FMN1: variants seen among roughly 807,000 people sequenced by gnomAD.
The protein encoded by FMN1 is formin 1.
Under a neutral mutation model 132.4 loss-of-function variants are expected in FMN1, and 110 were observed. The observed-to-expected ratio is 0.83, with a 90% CI of 0.71 to 0.97. FMN1 has a LOEUF of 0.97. FMN1 is among the 50% of genes least tolerant of loss of function. FMN1 has a pLI of 0.00. For missense variants in FMN1, 1,792 were observed against 1,705.3 expected, an observed-to-expected ratio of 1.05 and a Z score of -0.90; for synonymous variants, 722 against 651.7, an observed-to-expected ratio of 1.11 and a Z score of -1.64.
chr15:32,972,802 C>T (rs552797451), intron 7 of FMN1, among the ~76,000 whole-genome samples: 7 of 152,232 alleles, frequency 4.6e-5, no homozygotes, highest in Middle Eastern at 6.8e-3. Flanking sequence ...TCCAAGTATC[C>T]TCTGGATTAA....
rs539256769 is a variant in FMN1 at position 33,110,272 on chromosome 15, C to T, written c.1868-21298G>A. ...AAATAATACATAGATGGTCTATTCT[C>T]TTTGCAGAATTGTTCACAATAACTG... is the stretch of plus-strand genomic sequence containing the variant. On this transcript the variant is annotated intron_variant, in intron 4 of 20. Coordinates refer to ENST00000616417, the MANE Select transcript of FMN1 (RefSeq NM_001277313.2). 3.3e-5 allele frequency among the ~76,000 whole-genome samples: 5 copies of T among 152,072 alleles called. No homozygotes were observed. In the East Asian group the frequency reaches 9.6e-4, roughly 29 times the overall value.
chr15:32,825,506 TCTACTCTCC>T (rs2058342677), intron 17 of FMN1, among the ~76,000 whole-genome samples: 1 of 152,214 alleles, frequency 6.6e-6, no homozygotes, highest in Non-Finnish European at 1.5e-5. Flanking sequence ...TCATCACTGT[TCTACTCTCC>T]CTACTCTTTT....
chr15:33,014,476 T>A (rs2034922393), intron 6 of FMN1, among the ~76,000 whole-genome samples: 1 of 152,216 alleles, frequency 6.6e-6, no homozygotes, highest in Non-Finnish European at 1.5e-5. Context: ...AAGGGCAGAC[T>A]CATTTGAAGT....
At chr15:33,066,129 G>C (rs2037713533) in intron 5 of FMN1, among the ~76,000 whole-genome samples, 1 of 152,170 alleles carries the variant, frequency 6.6e-6, no homozygotes, top group South Asian at 2.1e-4. Flanking sequence ...AGGAACGATA[G>C]ACTTTCTGCG....
intron 15 of FMN1, among the ~76,000 whole-genome samples, chr15:32,891,387 A>G (rs887695916): frequency 1.6e-4 from 25 of 152,296 alleles, no homozygotes; most frequent in African/African-American, 4.6e-4. Context: ...AGCTGGGACC[A>G]CAGGCACCCG....
chr15:32,986,206 C>G (rs1432990056), intron 7 of FMN1, among the ~76,000 whole-genome samples: 1 of 152,086 alleles, frequency 6.6e-6, no homozygotes, highest in Non-Finnish European at 1.5e-5. Flanking sequence ...TCTGGAGCTG[C>G]ACTTGTTTCA....
At chr15:32,953,635 G>A (rs1039276916) in intron 9 of FMN1, among the ~76,000 whole-genome samples, 1 of 152,178 alleles carries the variant, frequency 6.6e-6, no homozygotes, top group African/African-American at 2.4e-5. Flanking sequence ...TAGGAAGTAA[G>A]TGGACAGTTT....
chr15:32,788,731 G>A (rs960689284), intron 19 of FMN1, among the ~76,000 whole-genome samples: 1 of 152,230 alleles, frequency 6.6e-6, no homozygotes, highest in Non-Finnish European at 1.5e-5. Flanking sequence ...TAGGGAAATG[G>A]AGTGCGGACA....
chr15:32,882,313 G>C (rs546349816), intron 16 of FMN1, among the ~76,000 whole-genome samples: 2 of 152,320 alleles, frequency 1.3e-5, no homozygotes, highest in South Asian at 4.1e-4. Flanking sequence ...GCCAGTAGTA[G>C]CAAAGTAACT....
chr15:32,862,266 G>A (rs1451533223), intron 16 of FMN1, among the ~76,000 whole-genome samples: 1 of 152,054 alleles, frequency 6.6e-6, no homozygotes, highest in Non-Finnish European at 1.5e-5. Flanking sequence ...GACCACCAAG[G>A]TTGCCTCAGG....
Position 32,857,012 on chromosome 15 carries a change from T to C in FMN1, c.3928+3A>G, listed in dbSNP as rs1490349334. ...TGTATGTGCGGCTGACAAAGCTTCC[T>C]ACCTTTTTGGAAGAACTCCTCTAGT... On this transcript the variant is annotated splice_donor_region_variant and intron_variant, in intron 17 of 20. Coordinates refer to ENST00000616417, the MANE Select transcript of FMN1 (RefSeq NM_001277313.2). 6.2e-7 allele frequency: 1 copy of C among 1,607,288 alleles called. No individual in the cohort carries two copies. The highest frequency in any genetic ancestry group is 8.5e-7 in the Non-Finnish European group (1 of 1,173,814).
chr15:33,031,999 G>T (rs1340590721), intron 6 of FMN1, among the ~76,000 whole-genome samples: 2 of 152,124 alleles, frequency 1.3e-5, no homozygotes, highest in African/African-American at 4.8e-5. Flanking sequence ...ATCATGAAGT[G>T]TTACAATCAT....
Position 32,794,874 on chromosome 15 carries a change from A to G in FMN1, c.4130+3930T>C, listed in dbSNP as rs369601714. 2.6e-4 allele frequency among the ~76,000 whole-genome samples: 40 copies of G among 152,320 alleles called. No homozygotes were observed. In the East Asian group the frequency reaches 5.8e-3, roughly 22 times the overall value. The stretch of plus-strand genomic sequence containing the variant: ...GCAGAGAAAAAAACGTTTTGTGTAC[A>G]TGCTCCATAAAAAAACGTGATCTTC... On this transcript the variant is annotated intron_variant, in intron 19 of 20. Coordinates refer to ENST00000616417, the MANE Select transcript of FMN1 (RefSeq NM_001277313.2).
intron 2 of FMN1, among the ~76,000 whole-genome samples, chr15:33,187,632 G>A (rs1965931695): frequency 1.3e-5 from 2 of 152,148 alleles, no homozygotes; most frequent in Admixed American, 6.6e-5. Context: ...GAGAGAGCTG[G>A]GAGAGCAGAA....
chr15:32,905,028 T>C (rs2060388140), intron 12 of FMN1, among the ~76,000 whole-genome samples: 1 of 152,192 alleles, frequency 6.6e-6, no homozygotes, highest in Non-Finnish European at 1.5e-5. Context: ...CATTCTAGGT[T>C]CAGTAAGAAA....
Position 33,020,714 on chromosome 15 carries a change from C to A in FMN1, c.2162-12639G>T, listed in dbSNP as rs181540263. 1.0e-3 allele frequency among the ~76,000 whole-genome samples: 153 copies of A among 151,662 alleles called. 2 individuals carry two copies. In the South Asian group the frequency reaches 0.015, roughly 15 times the overall value. Reference sequence around the variant, plus strand: ...GTGCTCAGTGTCTCCGTGTGCCAGGCACTGAACTAAGCATTGTGTATATAA... The same window carrying A: ...GTGCTCAGTGTCTCCGTGTGCCAGGAACTGAACTAAGCATTGTGTATATAA... On this transcript the variant is annotated intron_variant, in intron 6 of 20. Transcript: ENST00000616417.
rs1207410161 is a variant in FMN1, at chr15:33,165,541, C to G, written c.-131-10496G>C. ...GAGTAGCTGGGAATACAGGCGCCCG[C>G]CACCACGCCCGGCTAATTTTTTTGT... On this transcript the variant is annotated intron_variant, in intron 3 of 20. Transcript: ENST00000616417. Among the ~76,000 whole-genome samples, 3 of 152,178 alleles carry G rather than the reference C, an allele frequency of 2.0e-5. No homozygotes were observed. In the East Asian group the frequency reaches 5.8e-4, roughly 29 times the overall value.
intron 4 of FMN1, among the ~76,000 whole-genome samples, chr15:33,119,313 T>A (rs900595710): frequency 6.6e-6 from 1 of 152,146 alleles, no homozygotes; most frequent in African/African-American, 2.4e-5. Flanking sequence ...AAATGGACTG[T>A]CCATATCTTG....
At chr15:33,084,198 C>A (rs549673774) in intron 5 of FMN1, among the ~76,000 whole-genome samples, 1 of 152,188 alleles carries the variant, frequency 6.6e-6, no homozygotes, top group Non-Finnish European at 1.5e-5. Flanking sequence ...TCTTAGTAAA[C>A]CTGCTTTTAC....
Sources: allele counts gnomAD v4.1 joint callset (sites outside exome capture counted in the v4.1 genomes callset), GRCh38; gene constraint gnomAD v4.1.1; transcripts MANE v1.5; gene names NCBI Gene and HGNC (gene_info 2026-07-23, HGNC 2026-07-21).